Variants in NME7 observed in about 807,000 individuals in gnomAD.
NME7 encodes the protein nucleoside diphosphate kinase 7.
In NME7, 41 loss-of-function variants were observed where a neutral mutation model predicts 49.1. That is an observed-to-expected ratio of 0.83 (90% CI 0.65 to 1.08). The LOEUF is 1.08. NME7 is among the 50% of genes least tolerant of loss of function. The pLI is 0.00. For synonymous variants in NME7, 139 were observed against 150.6 expected, an observed-to-expected ratio of 0.92 and a Z score of 0.56; for missense variants, 423 against 463.4, an observed-to-expected ratio of 0.91 and a Z score of 0.80.
intron 10 of NME7, among the ~76,000 whole-genome samples, chr1:169,198,276 G>A (rs1438333244): frequency 6.6e-6 from 1 of 151,954 alleles, no homozygotes; most frequent in Non-Finnish European, 1.5e-5. Context: ...GGTAAATGGT[G>A]CAGCCATTTT....
intron 11 of NME7, among the ~76,000 whole-genome samples, chr1:169,162,986 G>A (rs1220334686): frequency 6.6e-6 from 1 of 152,078 alleles, no homozygotes; most frequent in Non-Finnish European, 1.5e-5. Flanking sequence ...GCAAAGTTTT[G>A]GTTGTTCCCG....
chr1:169,219,473 AG>A (rs1260988604), intron 10 of NME7, among the ~76,000 whole-genome samples: 6 of 152,150 alleles, frequency 3.9e-5, no homozygotes, highest in African/African-American at 1.4e-4. Flanking sequence ...TTGGTGTCTG[AG>A]GGGGTACTGG....
At chr1:169,361,748 C>T (rs1653663127) in intron 1 of NME7, among the ~76,000 whole-genome samples, 1 of 151,184 alleles carries the variant, frequency 6.6e-6, no homozygotes, top group Non-Finnish European at 1.5e-5. Context: ...CCACTGCACT[C>T]CACAGCCGGG....
At chr1:169,263,236 A>C (rs1318620676) in intron 7 of NME7, among the ~76,000 whole-genome samples, 1 of 134,216 alleles carries the variant, frequency 7.5e-6, no homozygotes, top group Non-Finnish European at 1.8e-5. Context: ...TTCTCCAGTT[A>C]AGGGTTATTA....
intron 7 of NME7, chr1:169,285,062 G>A (rs1471948285): frequency 6.6e-6 from 1 of 152,046 alleles, no homozygotes; most frequent in African/African-American, 2.4e-5. Context: ...AATATACACG[G>A]GTGTATGTAT....
At chr1:169,253,828 T>A (rs1648761040) in intron 7 of NME7, among the ~76,000 whole-genome samples, 1 of 151,338 alleles carries the variant, frequency 6.6e-6, no homozygotes, top group South Asian at 2.1e-4. Context: ...AATCATGTGG[T>A]TTTTGTCTTT....
chr1:169,305,272 G>A (rs1055063654), intron 4 of NME7, among the ~76,000 whole-genome samples: 3 of 151,718 alleles, frequency 2.0e-5, no homozygotes, highest in African/African-American at 7.3e-5. Context: ...GTTATGTTTT[G>A]TTGTGTTTTT....
intron 8 of NME7, among the ~76,000 whole-genome samples, chr1:169,237,012 A>T (rs1290251990): frequency 6.6e-6 from 1 of 152,132 alleles, no homozygotes; most frequent in Non-Finnish European, 1.5e-5. Context: ...TGAGTACAGC[A>T]CAAAGGTATG....
chr1:169,189,821 G>A (rs1660166516), intron 10 of NME7, among the ~76,000 whole-genome samples: 1 of 152,122 alleles, frequency 6.6e-6, no homozygotes, highest in African/African-American at 2.4e-5. Context: ...GACTATAACA[G>A]AACTATGGCA....
intron 5 of NME7, among the ~76,000 whole-genome samples, chr1:169,299,748 A>G (rs1284826169): frequency 2.0e-5 from 3 of 152,196 alleles, no homozygotes; most frequent in African/African-American, 7.2e-5. Context: ...TCTAAAAAAC[A>G]GCATGTACAA....
chr1:169,193,035 G>C lies in NME7; in HGVS notation c.991-23481C>G, dbSNP rs554280896. On this transcript the variant is annotated intron_variant, in intron 10 of 11. Transcript: ENST00000367811. Reference sequence around the variant, plus strand: ...CTTTTAAAAAGATCATGCTTGGCCAGGTGCAGTAGTTCATACCTGTAATCC... The same window carrying C: ...CTTTTAAAAAGATCATGCTTGGCCACGTGCAGTAGTTCATACCTGTAATCC... Among the ~76,000 whole-genome samples the C allele has an allele frequency of 2.6e-5, 4 of 152,190 alleles. No individual in the cohort carries two copies. In the East Asian group the frequency reaches 5.8e-4, roughly 22 times the overall value.
chr1:169,348,040 G>A (rs907726603), intron 1 of NME7, among the ~76,000 whole-genome samples: 9 of 152,130 alleles, frequency 5.9e-5, no homozygotes, highest in East Asian at 1.9e-4. Flanking sequence ...TTTTCATCAT[G>A]AGAAAAAGAA....
At chr1:169,204,361 C>T (rs1660622084) in intron 10 of NME7, among the ~76,000 whole-genome samples, 1 of 151,284 alleles carries the variant, frequency 6.6e-6, no homozygotes, top group African/African-American at 2.4e-5. Context: ...TTGTCAGTAA[C>T]CTTCAATGGT....
rs1650068907 is a variant in NME7, at chr1:169,282,589, G to A, written c.754+4714C>T. Among the ~76,000 whole-genome samples, 3 of 152,096 alleles carry A rather than the reference G, an allele frequency of 2.0e-5. No individual in the cohort carries two copies. In the South Asian group the frequency reaches 6.2e-4, roughly 32 times the overall value. On this transcript the variant is annotated intron_variant, in intron 7 of 11. Transcript: ENST00000367811. The stretch of plus-strand genomic sequence containing the variant: ...CTGCTTTCTCTTGTGGGCATTTAGA[G>A]CTATAATTTTCCATCTAAAGACTAC...
chr1:169,147,792 A>G (rs1488822423), intron 11 of NME7, among the ~76,000 whole-genome samples: 1 of 152,206 alleles, frequency 6.6e-6, no homozygotes, highest in Non-Finnish European at 1.5e-5. Context: ...TATGCTTAAG[A>G]AAGTGTGACT....
At chr1:169,239,683 T>G (rs911038721) in intron 7 of NME7, among the ~76,000 whole-genome samples, 1 of 151,868 alleles carries the variant, frequency 6.6e-6, no homozygotes, top group Non-Finnish European at 1.5e-5. Context: ...AAAGACAGAA[T>G]AAGAGGTACA....
At chr1:169,309,313 T>C (rs1651295021) in intron 4 of NME7, among the ~76,000 whole-genome samples, 1 of 152,168 alleles carries the variant, frequency 6.6e-6, no homozygotes, top group Admixed American at 6.5e-5. Flanking sequence ...ACTTCTGCAA[T>C]AAAAGGTTCC....
chr1:169,138,478 G>A (rs1658496311), intron 11 of NME7, among the ~76,000 whole-genome samples: 1 of 152,166 alleles, frequency 6.6e-6, no homozygotes, highest in Admixed American at 6.5e-5. Flanking sequence ...GGGAGGCCAA[G>A]GCAGGAGGAT....
At chr1:169,340,060 C>G (rs1387578514) in intron 1 of NME7, among the ~76,000 whole-genome samples, 1 of 152,138 alleles carries the variant, frequency 6.6e-6, no homozygotes, top group African/African-American at 2.4e-5. Flanking sequence ...CTTACTCTGC[C>G]CATACCTTTG....
Sources: allele counts gnomAD v4.1 joint callset (sites outside exome capture counted in the v4.1 genomes callset), GRCh38; gene constraint gnomAD v4.1.1; transcripts MANE v1.5; gene names NCBI Gene and HGNC (gene_info 2026-07-23, HGNC 2026-07-21).